PELI2: variants seen among roughly 807,000 people sequenced by gnomAD.
PELI2 encodes pellino E3 ubiquitin protein ligase family member 2.
A neutral mutation model predicts 42.3 loss-of-function variants in PELI2; 23 were observed. That is an observed-to-expected ratio of 0.54 (90% CI 0.39 to 0.77). PELI2 has a LOEUF of 0.77. Ranked by LOEUF, PELI2 falls within the 30% of genes least tolerant of loss-of-function variation. The probability of loss-of-function intolerance (pLI) is 0.00; values close to 1 mark genes in which losing one functional copy is unlikely to be tolerated. For missense variants in PELI2, 463 were observed against 553.2 expected, an observed-to-expected ratio of 0.84 and a Z score of 1.64; for synonymous variants, 245 against 212.2, an observed-to-expected ratio of 1.15 and a Z score of -1.34.
chr14:56,200,514 T>C (rs574923144), intron 2 of PELI2, among the ~76,000 whole-genome samples: 102 of 152,300 alleles, frequency 6.7e-4, no homozygotes, highest in Non-Finnish European at 1.0e-3. Flanking sequence ...CGTTACCCTA[T>C]AGGGTACCAT....
At chr14:56,198,394 G>A (rs1207401775) in intron 2 of PELI2, among the ~76,000 whole-genome samples, 1 of 152,184 alleles carries the variant, frequency 6.6e-6, no homozygotes, top group African/African-American at 2.4e-5. Context: ...CAGGAAATAG[G>A]GAGGAGAACC....
At chr14:56,147,449 T>C (rs1458199618) in intron 1 of PELI2, among the ~76,000 whole-genome samples, 2 of 152,196 alleles carry the variant, frequency 1.3e-5, no homozygotes, top group African/African-American at 4.8e-5. Flanking sequence ...GAAGAGGGAA[T>C]GAGAAGATAT....
chr14:56,252,321 T>A (rs2139817185), intron 2 of PELI2, among the ~76,000 whole-genome samples: 1 of 152,342 alleles, frequency 6.6e-6, no homozygotes, highest in Non-Finnish European at 1.5e-5. Flanking sequence ...ACCTTGTTCA[T>A]CAATATCACA....
chr14:56,203,209 A>G (rs1206169939), intron 2 of PELI2, among the ~76,000 whole-genome samples: 1 of 152,118 alleles, frequency 6.6e-6, no homozygotes, highest in Non-Finnish European at 1.5e-5. Flanking sequence ...TCACAGTGGC[A>G]CATGCCAGTA....
At position 56,299,577 on chromosome 14, in the gene PELI2, AG is replaced by A. The variant is rs935920923; in HGVS notation, c.*2413del. 1.3e-5 allele frequency: 2 copies of A among 152,208 alleles called. No individual in the cohort carries two copies. The highest frequency in any genetic ancestry group is 2.4e-5 in the African/African-American group (1 of 41,460). 9.4% of individuals were successfully genotyped at this position (152,208 alleles called of 1,614,324 possible). A position where few individuals can be genotyped will look rare whatever the true frequency, so the allele number is the denominator to read the frequency against. ...CACCAGGCTCTTCTTGGCCACTTGT[AG>A]GAAGATCCCTTTACAATTTTGACTA... On this transcript the variant is annotated 3_prime_UTR_variant, in exon 6 of 6. Coordinates refer to ENST00000267460, the MANE Select transcript of PELI2 (RefSeq NM_021255.3).
chr14:56,179,719 T>G (rs1315849230), intron 2 of PELI2, among the ~76,000 whole-genome samples: 1 of 152,192 alleles, frequency 6.6e-6, no homozygotes. Flanking sequence ...GTCAAGGAAG[T>G]AGGAGAAACA....
intron 2 of PELI2, among the ~76,000 whole-genome samples, chr14:56,234,243 A>G (rs1252100013): frequency 1.3e-5 from 2 of 152,196 alleles, no homozygotes; most frequent in East Asian, 3.8e-4. Flanking sequence ...CAGCCATCCC[A>G]TTACTGGGTA....
rs1885931549 is a variant in PELI2 at position 56,190,960 on chromosome 14, A to C, written c.207+12496A>C. ...CTTAGAAAATTGGTTAGTCTGCTAAAACAGTAATGATTTTACAGAATTGAA... is the reference window on the plus strand; with the variant it reads ...CTTAGAAAATTGGTTAGTCTGCTAACACAGTAATGATTTTACAGAATTGAA... On this transcript the variant is annotated intron_variant, in intron 2 of 5. Transcript: ENST00000267460. Among the ~76,000 whole-genome samples, 6 of 152,254 alleles carry C rather than the reference A, an allele frequency of 3.9e-5. No homozygotes were observed. The South Asian group carries it at 1.2e-3, about 32-fold the overall frequency.
intron 2 of PELI2, among the ~76,000 whole-genome samples, chr14:56,227,799 A>G (rs1056353589): frequency 1.3e-5 from 2 of 152,194 alleles, no homozygotes; most frequent in South Asian, 2.1e-4. Context: ...AGACCTGAAC[A>G]TTGTGTTGTG....
At chr14:56,287,783 G>C (rs150769745) in intron 3 of PELI2, among the ~76,000 whole-genome samples, 138 of 152,318 alleles carry the variant, frequency 9.1e-4, no homozygotes, top group African/African-American at 3.2e-3. Flanking sequence ...GCTGAGCTAA[G>C]TGATACAAGA....
chr14:56,261,709 G>C (rs1888720344), intron 2 of PELI2, among the ~76,000 whole-genome samples: 1 of 152,070 alleles, frequency 6.6e-6, no homozygotes, highest in African/African-American at 2.4e-5. Context: ...TGGATCAGAT[G>C]ACTGCAGTAA....
At chr14:56,149,029 G>A (rs1211954873) in intron 1 of PELI2, among the ~76,000 whole-genome samples, 1 of 152,182 alleles carries the variant, frequency 6.6e-6, no homozygotes, top group Admixed American at 6.5e-5. Context: ...AGCTTCAGGA[G>A]AGAGGTCACC....
chr14:56,130,441 AT>A (rs869185604), intron 1 of PELI2, among the ~76,000 whole-genome samples: 6 of 124,978 alleles, frequency 4.8e-5, no homozygotes, highest in Non-Finnish European at 9.4e-5. Context: ...GTATGTTTTT[AT>A]TTTGTTTTTT....
chr14:56,178,610 G>T (rs540152728), intron 2 of PELI2, 146 bp downstream of exon 2: 19 of 908,484 alleles, frequency 2.1e-5, no homozygotes, highest in Non-Finnish European at 2.8e-5. Context: ...GTTGTGAGGG[G>T]CTGTGCTGTG....
In PELI2 at chr14:56,215,915, G is replaced by A. The variant is rs116044055; in HGVS notation, c.207+37451G>A. 2.6e-3 allele frequency among the ~76,000 whole-genome samples: 403 copies of A among 152,250 alleles called. 1 individual carries two copies. The highest frequency in any genetic ancestry group is 9.0e-3 in the African/African-American group (373 of 41,546). On this transcript the variant is annotated intron_variant, in intron 2 of 5. Transcript: ENST00000267460. The stretch of plus-strand genomic sequence containing the variant: ...AGAAATTATGCAGTTTTATTTTGTA[G>A]TCACATTTCACGTTGTTATGTGGTG...
At chr14:56,182,188 C>T (rs1885611262) in intron 2 of PELI2, among the ~76,000 whole-genome samples, 1 of 151,912 alleles carries the variant, frequency 6.6e-6, no homozygotes, top group South Asian at 2.1e-4. Context: ...GGTGCGAGAG[C>T]TGTGAGCTGG....
At chr14:56,145,030 G>C (rs1362376136) in intron 1 of PELI2, 2 of 900,096 alleles carry the variant, frequency 2.2e-6, no homozygotes, top group Non-Finnish European at 2.7e-6. Context: ...CTGGCTTCTA[G>C]GTGTATTGCT....
At chr14:56,202,635 G>A (rs573210742) in intron 2 of PELI2, among the ~76,000 whole-genome samples, 1 of 152,298 alleles carries the variant, frequency 6.6e-6, no homozygotes, top group Admixed American at 6.5e-5. Context: ...TCTGGGAGTG[G>A]GGAAGGGTGG....
At chr14:56,229,610 C>T (rs752142433) in intron 2 of PELI2, among the ~76,000 whole-genome samples, 1 of 152,130 alleles carries the variant, frequency 6.6e-6, no homozygotes, top group Non-Finnish European at 1.5e-5. Flanking sequence ...TCATCAAAGA[C>T]CAAAGGTAGA....
Sources: gnomAD v4.1 joint callset for allele counts (sites outside exome capture counted in the v4.1 genomes callset) on GRCh38, gnomAD v4.1.1 for gene constraint, MANE v1.5 for transcripts, NCBI Gene and HGNC (gene_info 2026-07-23, HGNC 2026-07-21) for gene names.